YARS1: variants seen among roughly 807,000 people sequenced by gnomAD.
The protein encoded by YARS1 is tyrosyl-tRNA synthetase 1.
YARS1 carries 36 observed loss-of-function variants against 62.2 expected under a neutral mutation model. The ratio of observed to expected loss-of-function variants is 0.58; its 90% confidence interval spans 0.44 to 0.76. The LOEUF (loss-of-function observed/expected upper bound fraction) is 0.76, where lower values mean the gene tolerates loss of function less well. YARS1 is among the 30% of genes least tolerant of loss of function. The pLI is 0.00. For missense variants in YARS1, 524 were observed against 639.8 expected (o/e 0.82, Z 1.95); for synonymous variants, 234 against 244.9 (o/e 0.96, Z 0.42).
At chr1:32,804,722 G>A (rs186389387) in intron 4 of YARS1, among the ~76,000 whole-genome samples, 1,973 of 151,480 alleles carry the variant, frequency 0.013, 44 homozygotes, top group African/African-American at 0.046. Flanking sequence ...GATGGCGGCC[G>A]GGAAGATGCG....
At position 32,781,047 on chromosome 1, in the gene YARS1, C is replaced by T; in HGVS notation, c.1140+1G>A. 1 of 1,613,920 alleles carries T rather than the reference C, an allele frequency of 6.2e-7. No individual in the cohort carries two copies. The highest frequency in any genetic ancestry group is 1.1e-5 in the South Asian group (1 of 91,082). On this transcript the variant is annotated splice_donor_variant, in intron 10 of 12. Transcript: ENST00000373477. LOFTEE classifies it high-confidence loss of function. ...TCTGAGATGTGGTGAAAAATGAGTA[C>T]CTTCTCCACAGTGATGATTTTCCCC...
At chr1:32,791,126 A>C (rs1302792104) in intron 6 of YARS1, 36 bp downstream of exon 6, 1 of 1,573,824 alleles carries the variant, frequency 6.4e-7, no homozygotes, top group Admixed American at 1.7e-5. Context: ...ATTGAGGCTG[A>C]AGATTTCTAA....
chr1:32,796,651 C>G (rs974507783), intron 5 of YARS1, among the ~76,000 whole-genome samples: 2 of 151,830 alleles, frequency 1.3e-5, no homozygotes, highest in African/African-American at 2.4e-5. Flanking sequence ...GCATGAGCCA[C>G]AGTGCCTGGC....
chr1:32,779,371 C>T lies in YARS1; in HGVS notation c.1476+11G>A, dbSNP rs746478307. The T allele has an allele frequency of 6.2e-7, 1 of 1,614,206 alleles. No homozygotes were observed. The highest frequency in any genetic ancestry group is 1.1e-5 in the South Asian group (1 of 91,080). Reference sequence around the variant, plus strand: ...GCCCAGCCAAGAAAGGGAACAATTACAGCTTTTTACCTGCAACTTCTCGAA... The same window carrying T: ...GCCCAGCCAAGAAAGGGAACAATTATAGCTTTTTACCTGCAACTTCTCGAA... On this transcript the variant is annotated intron_variant, in intron 12 of 12. Transcript: ENST00000373477.
chr1:32,779,776 G>A (rs1652992235), intron 11 of YARS1: 8 of 616,904 alleles, frequency 1.3e-5, no homozygotes, highest in Middle Eastern at 4.4e-4. Context: ...ATAAAATAAC[G>A]TAGCGAGGAC....
rs570179460 is a variant in YARS1, at chr1:32,798,152, G to A, written c.511-309C>T. ...CTCCCAAAGTGCTGGGATTACAGGCGAGAGCCACCATGCCCAGCCTAAACA... is the reference window on the plus strand; with the variant it reads ...CTCCCAAAGTGCTGGGATTACAGGCAAGAGCCACCATGCCCAGCCTAAACA... On this transcript the variant is annotated intron_variant, in intron 4 of 12. Coordinates refer to ENST00000373477, the MANE Select transcript of YARS1 (RefSeq NM_003680.4). 22 of 374,172 alleles carry A rather than the reference G, an allele frequency of 5.9e-5. No individual in the cohort carries two copies. The East Asian group carries it at 1.3e-3, about 22-fold the overall frequency. 23.2% of individuals were successfully genotyped at this position (374,172 alleles called of 1,614,324 possible).
chr1:32,810,107 A>AG (rs1491458283), intron 3 of YARS1, among the ~76,000 whole-genome samples: 1 of 31,152 alleles, frequency 3.2e-5, no homozygotes, highest in Non-Finnish European at 1.4e-4. Flanking sequence ...ACTCCACCTC[A>AG]AAAAAAAAAA....
chr1:32,803,023 C>T (rs1553125094), intron 4 of YARS1, among the ~76,000 whole-genome samples: 1 of 147,338 alleles, frequency 6.8e-6, no homozygotes, highest in Non-Finnish European at 1.5e-5. Flanking sequence ...TGCATTGTTG[C>T]CCGGGCTGGA....
intron 8 of YARS1, chr1:32,782,908 G>GT (rs1241871858): frequency 1.5e-5 from 4 of 274,028 alleles, no homozygotes; most frequent in Non-Finnish European, 2.8e-5. Context: ...AGACAGCTGA[G>GT]TAAGAAGAAA....
At chr1:32,793,854 G>T in intron 5 of YARS1, among the ~76,000 whole-genome samples, 1 of 152,194 alleles carries the variant, frequency 6.6e-6, no homozygotes, top group East Asian at 1.9e-4. Context: ...TTCATACCCA[G>T]TGAAAGAAAT....
intron 3 of YARS1, among the ~76,000 whole-genome samples, chr1:32,808,466 G>A (rs758476262): frequency 2.9e-4 from 44 of 152,048 alleles, no homozygotes; most frequent in Non-Finnish European, 5.6e-4. Context: ...CTCCCAAAGT[G>A]CTGAGATTAC....
At chr1:32,802,519 G>A (rs1433984473) in intron 4 of YARS1, among the ~76,000 whole-genome samples, 1 of 152,024 alleles carries the variant, frequency 6.6e-6, no homozygotes, top group Non-Finnish European at 1.5e-5. Flanking sequence ...TAAATAGTAG[G>A]ACTTGAAAGT....
chr1:32,811,388 T>C, intron 1 of YARS1: 1 of 384,444 alleles, frequency 2.6e-6, no homozygotes, highest in South Asian at 2.2e-5. Flanking sequence ...GATAAGATAT[T>C]GTGGAAAGCT....
At chr1:32,779,360 G>A (rs1338856020) in intron 12 of YARS1, 22 bp downstream of exon 12, 2 of 1,614,046 alleles carry the variant, frequency 1.2e-6, no homozygotes, top group Non-Finnish European at 1.7e-6. Flanking sequence ...AGCCAAGAAA[G>A]GGAACAATTA....
chr1:32,803,708 C>G (rs12045765), intron 4 of YARS1, among the ~76,000 whole-genome samples: 1 of 151,910 alleles, frequency 6.6e-6, no homozygotes, highest in East Asian at 1.9e-4. Flanking sequence ...GCTGCAACTT[C>G]TACATCAGGG....
Position 32,797,745 on chromosome 1 carries a change from A to AT in YARS1, c.591+17_591+18insA, listed in dbSNP as rs1305483041. On this transcript the variant is annotated intron_variant, in intron 5 of 12. Coordinates refer to ENST00000373477, the MANE Select transcript of YARS1 (RefSeq NM_003680.4). ...CTCTGAGGTGCAAGTGAAAAAAGAC[A>AT]GGAAAGCAGACACTCACCTTCTCTG... is the stretch of plus-strand genomic sequence containing the variant. 6.2e-7 allele frequency: 1 copy of AT among 1,611,212 alleles called. No homozygotes were observed. The highest frequency in any genetic ancestry group is 1.3e-5 in the African/African-American group (1 of 74,874).
At chr1:32,806,102 C>T (rs1557463837) in intron 4 of YARS1, among the ~76,000 whole-genome samples, 1 of 152,152 alleles carries the variant, frequency 6.6e-6, no homozygotes, top group Non-Finnish European at 1.5e-5. Flanking sequence ...GAGGAAATGG[C>T]TGGATGGTAG....
chr1:32,792,631 C>T (rs375398421), intron 5 of YARS1, among the ~76,000 whole-genome samples: 13 of 152,176 alleles, frequency 8.5e-5, no homozygotes, highest in Non-Finnish European at 1.6e-4. Flanking sequence ...TGGCTCATGC[C>T]TGTAATCCCA....
Position 32,792,310 on chromosome 1 carries a change from T to G in YARS1, c.592-1056A>C, listed in dbSNP as rs953646722. Among the ~76,000 whole-genome samples, 5 of 152,278 alleles carry G rather than the reference T, an allele frequency of 3.3e-5. 1 individual carries two copies. The highest frequency in any genetic ancestry group is 3.3e-4 in the Admixed American group (5 of 15,286). Reference sequence around the variant, plus strand: ...AGGACCACACCACAGGAGTAAAGGCTAAGCTGAAGTAGACGTTCTAACAAA... The same window carrying G: ...AGGACCACACCACAGGAGTAAAGGCGAAGCTGAAGTAGACGTTCTAACAAA... On this transcript the variant is annotated intron_variant, in intron 5 of 12. Transcript: ENST00000373477.
Sources: allele counts gnomAD v4.1 joint callset (sites outside exome capture counted in the v4.1 genomes callset), GRCh38; gene constraint gnomAD v4.1.1; transcripts MANE v1.5; gene names NCBI Gene and HGNC (gene_info 2026-07-23, HGNC 2026-07-21).